Variants in ARPC3 observed in about 807,000 individuals in gnomAD.
ARPC3 encodes the protein actin-related protein 2/3 complex subunit 3.
Under a neutral mutation model 27.6 loss-of-function variants are expected in ARPC3, and 12 were observed. The observed-to-expected ratio is 0.43, with a 90% CI of 0.28 to 0.70. The LOEUF is 0.70. Ranked by LOEUF, ARPC3 falls within the 30% of genes least tolerant of loss-of-function variation. The pLI, the probability that ARPC3 is intolerant of heterozygous loss-of-function variation, is 0.17. For synonymous variants in ARPC3, 53 were observed against 67.2 expected (o/e 0.79, Z 1.03); for missense variants, 153 against 207.7 (o/e 0.74, Z 1.62).
chr12:110,436,939 A>T, intron 4 of ARPC3, 145 bp downstream of exon 4: 1 of 733,048 alleles, frequency 1.4e-6, no homozygotes, highest in Non-Finnish European at 2.4e-6. Context: ...AACTAAATTC[A>T]AATTTTTCTC....
chr12:110,438,877 A>G (rs2062420219), intron 3 of ARPC3, among the ~76,000 whole-genome samples: 1 of 151,900 alleles, frequency 6.6e-6, no homozygotes. Flanking sequence ...TCCCGACCTC[A>G]GGTGATCCGC....
chr12:110,446,291 T>C (rs2062463878), intron 1 of ARPC3, among the ~76,000 whole-genome samples: 1 of 146,540 alleles, frequency 6.8e-6, no homozygotes, highest in South Asian at 2.2e-4. Context: ...ACCTGGCTAC[T>C]TCCTAATTTT....
chr12:110,445,199 T>G, intron 2 of ARPC3: 1 of 460,716 alleles, frequency 2.2e-6, no homozygotes, highest in Non-Finnish European at 4.0e-6. Flanking sequence ...TGATAAACAG[T>G]GTCCAGAATT....
chr12:110,439,133 G>A (rs1381256933), intron 3 of ARPC3, among the ~76,000 whole-genome samples: 1 of 151,812 alleles, frequency 6.6e-6, no homozygotes, highest in African/African-American at 2.4e-5. Flanking sequence ...TTACAGGCAT[G>A]CACTACTACA....
At chr12:110,443,007 C>G (rs2062446644) in intron 2 of ARPC3, 1 of 152,166 alleles carries the variant, frequency 6.6e-6, no homozygotes, top group African/African-American at 2.4e-5. Flanking sequence ...AGCAGAAATG[C>G]AAAGTAATCT....
At chr12:110,445,176 TG>T in intron 2 of ARPC3, 1 of 395,510 alleles carries the variant, frequency 2.5e-6, no homozygotes, top group Non-Finnish European at 4.7e-6. Context: ...GCATTAGATT[TG>T]TTTGAAAGAA....
chr12:110,445,416 C>T (rs7966726), intron 2 of ARPC3, 36 bp downstream of exon 2: 5 of 1,474,430 alleles, frequency 3.4e-6, no homozygotes, highest in African/African-American at 1.4e-5. Context: ...TTAGGCATTT[C>T]GTACCAAAAT....
chr12:110,446,495 C>T (rs2062465332), intron 1 of ARPC3, among the ~76,000 whole-genome samples: 1 of 150,832 alleles, frequency 6.6e-6, no homozygotes, highest in African/African-American at 2.4e-5. Flanking sequence ...CGATGTTTCT[C>T]CATTTTCGCC....
At chr12:110,440,783 T>A (rs1244405173) in intron 2 of ARPC3, among the ~76,000 whole-genome samples, 1 of 151,358 alleles carries the variant, frequency 6.6e-6, no homozygotes, top group Non-Finnish European at 1.5e-5. Flanking sequence ...CCTGACCGCG[T>A]GATCCGCCCA....
rs768007876 is a variant in ARPC3 at position 110,435,171 on chromosome 12, G to A, written c.521C>T (p.Ser174Leu). The A allele has an allele frequency of 1.2e-6, 2 of 1,614,012 alleles. No individual in the cohort carries two copies. Among genetic ancestry groups the A allele is most frequent in the South Asian group, 2.2e-5 (2 of 91,076 alleles). Residue 174 changes from serine (S) to leucine (L), a missense_variant, in exon 7 of 7, where the codon TCA becomes TTA. Transcript: ENST00000228825. ...GGGCTCCCTTCACTGTCCAGGTCCT[G>A]AAAGACTCTTGTTCATGAACTGTCT... The part of the protein sequence containing the change: ...VKRQFMNKSL[S>L]GPGQ
At chr12:110,444,900 A>T (rs528658073) in intron 2 of ARPC3, 1 of 163,438 alleles carries the variant, frequency 6.1e-6, no homozygotes, top group Admixed American at 5.9e-5. Context: ...TGTTGGGAGA[A>T]CATCTCAGAA....
intron 2 of ARPC3, 107 bp from the exon 3 acceptor site, chr12:110,440,495 G>A: frequency 1.3e-6 from 1 of 748,626 alleles, no homozygotes; most frequent in East Asian, 2.5e-5. Context: ...AACAGTTGTG[G>A]AGTTGAATAA....
At chr12:110,444,428 G>A (rs1371823137) in intron 2 of ARPC3, among the ~76,000 whole-genome samples, 1 of 151,898 alleles carries the variant, frequency 6.6e-6, no homozygotes, top group Non-Finnish European at 1.5e-5. Context: ...GGGATCACAG[G>A]TGCCCACCAC....
chr12:110,447,319 A>G (rs1218591736), intron 1 of ARPC3, among the ~76,000 whole-genome samples: 1 of 152,234 alleles, frequency 6.6e-6, no homozygotes, highest in Non-Finnish European at 1.5e-5. Context: ...TGCTTTTTAC[A>G]AGATGTCTGG....
intron 1 of ARPC3, among the ~76,000 whole-genome samples, chr12:110,447,549 C>G (rs1186090195): frequency 6.6e-6 from 1 of 152,074 alleles, no homozygotes; most frequent in African/African-American, 2.4e-5. Context: ...CTGAGGCGGA[C>G]AGATCACAAG....
rs1315683957 is a variant in ARPC3 at position 110,445,513 on chromosome 12, G to T, written c.45C>A (p.Leu15=). 6.2e-7 allele frequency: 1 copy of T among 1,613,878 alleles called. No homozygotes were observed. The highest frequency in any genetic ancestry group is 1.7e-5 in the Admixed American group (1 of 60,012). ...HSSLMDPDTK[L]IGNMALLPIR... ...TAGGCAACAGTGCCATGTTTCCGAT[G>T]AGTTTGGTATCAGGATCCATGAGAG... is the stretch of plus-strand genomic sequence containing the variant. The change falls in exon 2 of 7, where the codon CTC becomes CTA. Residue 15 remains leucine, a synonymous_variant. Coordinates refer to ENST00000228825, the MANE Select transcript of ARPC3 (RefSeq NM_001278556.2).
intron 3 of ARPC3, among the ~76,000 whole-genome samples, chr12:110,438,524 G>C (rs943115826): frequency 1.1e-4 from 16 of 149,822 alleles, no homozygotes; most frequent in Non-Finnish European, 1.6e-4. Context: ...ACTTGAACCC[G>C]GGAGTCGAGG....
intron 3 of ARPC3, among the ~76,000 whole-genome samples, chr12:110,438,413 C>T (rs956226093): frequency 2.7e-5 from 4 of 150,404 alleles, no homozygotes; most frequent in Admixed American, 6.7e-5. Flanking sequence ...TCCTGGCCAA[C>T]GTGGTGAAAC....
intron 3 of ARPC3, among the ~76,000 whole-genome samples, 152 bp downstream of exon 3, chr12:110,440,156 TAATA>T (rs2062427854): frequency 6.6e-6 from 1 of 152,180 alleles, no homozygotes; most frequent in Admixed American, 6.6e-5. Flanking sequence ...AAAAAGAAAC[TAATA>T]TTTATACAAA....
Sources: gnomAD v4.1 joint callset for allele counts (sites outside exome capture counted in the v4.1 genomes callset) on GRCh38, gnomAD v4.1.1 for gene constraint, MANE v1.5 for transcripts, NCBI Gene and HGNC (gene_info 2026-07-23, HGNC 2026-07-21) for gene names.